The following ANKS1B variants were observed in gnomAD, a reference collection of about 807,000 sequenced individuals.
ANKS1B encodes ankyrin repeat and sterile alpha motif domain-containing protein 1B.
Under a neutral mutation model 148.3 loss-of-function variants are expected in ANKS1B, and 36 were observed. The observed-to-expected ratio is 0.24, with a 90% CI of 0.19 to 0.32. ANKS1B has a LOEUF of 0.32. Ranked by LOEUF, ANKS1B falls within the 10% of genes least tolerant of loss-of-function variation. The pLI is 1.00. For synonymous variants in ANKS1B, 542 were observed against 560.8 expected (o/e 0.97, Z 0.47); for missense variants, 1,157 against 1,542.6 (o/e 0.75, Z 4.19).
chr12:99,956,851 T>C (rs1240331271), intron 1 of ANKS1B, among the ~76,000 whole-genome samples: 4 of 152,324 alleles, frequency 2.6e-5, no homozygotes, highest in East Asian at 1.9e-4. Flanking sequence ...CAATTACCAA[T>C]TGACATAGCA....
intron 8 of ANKS1B, among the ~76,000 whole-genome samples, chr12:99,755,727 T>C (rs1380819238): frequency 2.6e-5 from 4 of 151,888 alleles, no homozygotes; most frequent in African/African-American, 9.7e-5. Flanking sequence ...ATGTGATTCA[T>C]CACATTAACA....
At chr12:99,176,893 CGCCAA>C (rs1566558237) in intron 14 of ANKS1B, among the ~76,000 whole-genome samples, 2 of 152,128 alleles carry the variant, frequency 1.3e-5, no homozygotes, top group African/African-American at 4.8e-5. Flanking sequence ...CAGAGCCATG[CGCCAA>C]TTAAGCCTCT....
intron 8 of ANKS1B, among the ~76,000 whole-genome samples, chr12:99,729,330 G>T (rs889198376): frequency 4.6e-5 from 7 of 152,110 alleles, no homozygotes; most frequent in Non-Finnish European, 1.0e-4. Context: ...TTGTTCCTCT[G>T]TAAGTAATGA....
chr12:99,133,612 A>G (rs2066909044), intron 15 of ANKS1B, among the ~76,000 whole-genome samples: 1 of 152,210 alleles, frequency 6.6e-6, no homozygotes, highest in Non-Finnish European at 1.5e-5. Flanking sequence ...AATCATGTTT[A>G]TAATGGTCCA....
intron 12 of ANKS1B, among the ~76,000 whole-genome samples, chr12:99,280,862 C>G (rs1001646453): frequency 2.6e-5 from 4 of 150,966 alleles, no homozygotes; most frequent in African/African-American, 9.7e-5. Context: ...CTCTCTCTCT[C>G]TCTGTCTGTC....
intron 12 of ANKS1B, among the ~76,000 whole-genome samples, chr12:99,303,149 C>T (rs944009831): frequency 6.6e-6 from 1 of 152,082 alleles, no homozygotes; most frequent in Non-Finnish European, 1.5e-5. Context: ...TAGAAATGTA[C>T]ACAGCAGTAC....
intron 10 of ANKS1B, among the ~76,000 whole-genome samples, chr12:99,467,284 G>A (rs999908580): frequency 2.0e-5 from 3 of 152,224 alleles, no homozygotes; most frequent in Admixed American, 6.5e-5. Context: ...TTGATGGGTT[G>A]TATCGCAAAA....
chr12:99,068,081 C>T (rs1163059779), intron 16 of ANKS1B, among the ~76,000 whole-genome samples: 21 of 151,938 alleles, frequency 1.4e-4, no homozygotes. Flanking sequence ...ATATGTATAA[C>T]ATCATTCTAG....
intron 7 of ANKS1B, among the ~76,000 whole-genome samples, chr12:99,773,460 C>A (rs11110033): frequency 0.053 from 8,061 of 152,026 alleles, 335 homozygotes; most frequent in Non-Finnish European, 0.076. Flanking sequence ...AAATTTGAAA[C>A]GGTGCTGAGA....
intron 15 of ANKS1B, among the ~76,000 whole-genome samples, chr12:99,111,472 C>T (rs1395537220): frequency 6.6e-6 from 1 of 151,850 alleles, no homozygotes; most frequent in Non-Finnish European, 1.5e-5. Flanking sequence ...ACTCAGCTGC[C>T]GCTTAATACT....
At chr12:99,586,834 C>T (rs1349638612) in intron 9 of ANKS1B, among the ~76,000 whole-genome samples, 2 of 152,134 alleles carry the variant, frequency 1.3e-5, no homozygotes, top group African/African-American at 4.8e-5. Context: ...ACCATCAGAT[C>T]TCCTGAGACT....
intron 8 of ANKS1B, among the ~76,000 whole-genome samples, chr12:99,674,228 T>C (rs1178942433): frequency 1.3e-5 from 2 of 151,954 alleles, no homozygotes; most frequent in African/African-American, 4.8e-5. Context: ...GTATTGGGGA[T>C]TATAATAATT....
At chr12:98,842,788 C>T (rs2099414682) in intron 17 of ANKS1B, among the ~76,000 whole-genome samples, 1 of 152,114 alleles carries the variant, frequency 6.6e-6, no homozygotes, top group Admixed American at 6.6e-5. Flanking sequence ...ATGTGACCTG[C>T]AGGGTAGCTT....
At chr12:99,765,351 T>C (rs1437368732) in intron 8 of ANKS1B, among the ~76,000 whole-genome samples, 1 of 152,226 alleles carries the variant, frequency 6.6e-6, no homozygotes, top group Non-Finnish European at 1.5e-5. Flanking sequence ...CACTGTTTAC[T>C]GATTTTTTTA....
chr12:99,541,044 C>G (rs184527302), intron 9 of ANKS1B, among the ~76,000 whole-genome samples: 1 of 151,910 alleles, frequency 6.6e-6, no homozygotes, highest in Non-Finnish European at 1.5e-5. Flanking sequence ...CTGAAATAAA[C>G]AAAATCCTAC....
intron 11 of ANKS1B, among the ~76,000 whole-genome samples, chr12:99,419,288 G>A (rs2095009638): frequency 6.6e-6 from 1 of 152,158 alleles, no homozygotes; most frequent in Non-Finnish European, 1.5e-5. Flanking sequence ...TTCATTAATA[G>A]TTGTAGGGCT....
intron 17 of ANKS1B, among the ~76,000 whole-genome samples, chr12:99,034,317 T>C (rs1481110463): frequency 6.6e-6 from 1 of 151,968 alleles, no homozygotes; most frequent in East Asian, 2.0e-4. Context: ...AGCACCTTAA[T>C]TATTTTATTT....
At chr12:99,535,045 G>A (rs1596515296) in intron 9 of ANKS1B, among the ~76,000 whole-genome samples, 1 of 152,188 alleles carries the variant, frequency 6.6e-6, no homozygotes, top group Non-Finnish European at 1.5e-5. Context: ...GAGGCCACTT[G>A]AAGATATTCA....
intron 14 of ANKS1B, among the ~76,000 whole-genome samples, chr12:99,227,248 C>G (rs1168893491): frequency 6.6e-6 from 1 of 152,058 alleles, no homozygotes; most frequent in Non-Finnish European, 1.5e-5. Context: ...GTACCTCCCC[C>G]CTCTCTCGCT....
Sources: gnomAD v4.1 joint callset for allele counts (sites outside exome capture counted in the v4.1 genomes callset) on GRCh38, gnomAD v4.1.1 for gene constraint, MANE v1.5 for transcripts, NCBI Gene and HGNC (gene_info 2026-07-23, HGNC 2026-07-21) for gene names.